Variants in TPRG1 observed in about 807,000 individuals in gnomAD.
TPRG1 encodes tumor protein p63-regulated gene 1 protein.
A neutral mutation model predicts 29.3 loss-of-function variants in TPRG1; 29 were observed. The ratio of observed to expected loss-of-function variants is 0.99; its 90% CI spans 0.74 to 1.35. TPRG1 has a LOEUF of 1.35. Among genes scored for constraint, TPRG1 ranks in the 40% most tolerant of loss-of-function variants. The pLI is 0.00. For synonymous variants in TPRG1, 130 were observed against 116.8 expected (o/e 1.11, Z -0.73); for missense variants, 327 against 335.0 (o/e 0.98, Z 0.19).
intron 5 of TPRG1, among the ~76,000 whole-genome samples, chr3:189,152,669 G>A (rs949624364): frequency 6.6e-6 from 1 of 150,990 alleles, no homozygotes; most frequent in African/African-American, 2.4e-5. Context: ...AAGTAGGATT[G>A]GTACCCGCCA....
At chr3:189,077,552 C>T (rs954836473) in intron 4 of TPRG1, among the ~76,000 whole-genome samples, 37 of 152,078 alleles carry the variant, frequency 2.4e-4, no homozygotes, top group African/African-American at 7.0e-4. Flanking sequence ...TATTTTGTTG[C>T]GGGAATGATT....
chr3:189,175,818 G>A (rs772567875), intron 1 of TPRG1, among the ~76,000 whole-genome samples: 6 of 152,186 alleles, frequency 3.9e-5, no homozygotes, highest in Non-Finnish European at 8.8e-5. Context: ...TCTCAAGAAA[G>A]TCTATTCCTC....
At chr3:189,006,327 G>C (rs1712284732) in intron 3 of TPRG1, among the ~76,000 whole-genome samples, 1 of 152,118 alleles carries the variant, frequency 6.6e-6, no homozygotes, top group Admixed American at 6.6e-5. Flanking sequence ...AAAGGGCCTA[G>C]AGGATGTGAA....
chr3:189,014,935 T>C (rs751694871), intron 3 of TPRG1, among the ~76,000 whole-genome samples: 1 of 152,180 alleles, frequency 6.6e-6, no homozygotes, highest in African/African-American at 2.4e-5. Flanking sequence ...GGGGCACTGT[T>C]ATAAAGATAC....
intron 4 of TPRG1, among the ~76,000 whole-genome samples, chr3:189,299,023 G>A (rs1278528157): frequency 3.3e-5 from 5 of 151,566 alleles, no homozygotes; most frequent in African/African-American, 1.2e-4. Context: ...CCTCTCTTGA[G>A]AGGAAATGGA....
At chr3:189,277,539 A>G (rs1053655368) in intron 4 of TPRG1, among the ~76,000 whole-genome samples, 5 of 151,656 alleles carry the variant, frequency 3.3e-5, no homozygotes, top group African/African-American at 1.2e-4. Context: ...AGTCTTACCA[A>G]ATCAAAATGT....
intron 1 of TPRG1, among the ~76,000 whole-genome samples, chr3:189,206,462 T>C (rs1734384066): frequency 6.6e-6 from 1 of 151,748 alleles, no homozygotes. Context: ...TATAACCTGG[T>C]ATATTTTTCT....
chr3:189,164,649 GT>G (rs1727925437), intron 5 of TPRG1, among the ~76,000 whole-genome samples: 1 of 151,200 alleles, frequency 6.6e-6, no homozygotes, highest in Admixed American at 6.6e-5. Context: ...AAAAAAAAAG[GT>G]ATCTGAAATT....
chr3:189,003,086 GACATTATTTTTC>G (rs1016852665), intron 2 of TPRG1, among the ~76,000 whole-genome samples: 4 of 152,102 alleles, frequency 2.6e-5, no homozygotes, highest in Non-Finnish European at 4.4e-5. Context: ...AAGGCATAAC[GACATTATTTTTC>G]ATTTGCCATA....
At chr3:189,032,681 T>G (rs890011993) in intron 4 of TPRG1, among the ~76,000 whole-genome samples, 1 of 151,704 alleles carries the variant, frequency 6.6e-6, no homozygotes, top group African/African-American at 2.4e-5. Context: ...TGGGCCATGC[T>G]GGTGTGCTGC....
chr3:189,250,768 G>C (rs1253382261), intron 4 of TPRG1, among the ~76,000 whole-genome samples: 5 of 130,134 alleles, frequency 3.8e-5, no homozygotes, highest in African/African-American at 1.5e-4. Flanking sequence ...AAAAAAAAAA[G>C]CAATGATTTA....
At chr3:189,080,993 G>A (rs927729244) in intron 4 of TPRG1, among the ~76,000 whole-genome samples, 1 of 152,084 alleles carries the variant, frequency 6.6e-6, no homozygotes, top group Non-Finnish European at 1.5e-5. Flanking sequence ...GTCTTGTCAA[G>A]GGATTGGCAG....
intron 2 of TPRG1, among the ~76,000 whole-genome samples, chr3:189,212,515 G>C (rs960958204): frequency 2.0e-5 from 3 of 152,028 alleles, no homozygotes; most frequent in Admixed American, 1.3e-4. Context: ...TGGGCAAAAG[G>C]TTTCTTGACT....
intron 5 of TPRG1, among the ~76,000 whole-genome samples, chr3:189,159,522 G>A (rs927625121): frequency 1.3e-5 from 2 of 152,156 alleles, no homozygotes; most frequent in Admixed American, 6.5e-5. Context: ...TTATGATCTC[G>A]TACAACTCCC....
intron 3 of TPRG1, among the ~76,000 whole-genome samples, chr3:189,134,263 A>G (rs1008157545): frequency 5.3e-5 from 8 of 152,176 alleles, no homozygotes; most frequent in Admixed American, 6.5e-5. Flanking sequence ...GTTCTTCAGT[A>G]TTCAGGGCCC....
intron 4 of TPRG1, among the ~76,000 whole-genome samples, chr3:189,299,722 C>T (rs1361723060): frequency 6.6e-6 from 1 of 151,010 alleles, no homozygotes; most frequent in Non-Finnish European, 1.5e-5. Context: ...GGGCCATGAA[C>T]ATGATTTAGA....
intron 2 of TPRG1, among the ~76,000 whole-genome samples, chr3:189,128,640 A>C (rs1386882055): frequency 6.6e-6 from 1 of 152,198 alleles, no homozygotes; most frequent in Non-Finnish European, 1.5e-5. Context: ...ACCTCATATC[A>C]ACAAAATGTT....
intron 1 of TPRG1, among the ~76,000 whole-genome samples, chr3:189,198,909 A>G (rs764149918): frequency 1.5e-4 from 23 of 152,240 alleles, no homozygotes; most frequent in Non-Finnish European, 2.4e-4. Context: ...AAAATTCTCT[A>G]GTCAATATCT....
chr3:189,316,291 G>A (rs1723511374), intron 5 of TPRG1, among the ~76,000 whole-genome samples: 1 of 152,154 alleles, frequency 6.6e-6, no homozygotes, highest in African/African-American at 2.4e-5. Context: ...ATAATTCCAG[G>A]AAAAATGTGC....
Sources: gnomAD v4.1 joint callset for allele counts (sites outside exome capture counted in the v4.1 genomes callset) on GRCh38, gnomAD v4.1.1 for gene constraint, MANE v1.5 for transcripts, NCBI Gene and HGNC (gene_info 2026-07-23, HGNC 2026-07-21) for gene names.